The following PDZD2 variants were observed in gnomAD, a reference collection of about 807,000 sequenced individuals.
The protein encoded by PDZD2 is PDZ domain-containing protein 2.
In PDZD2, 90 loss-of-function variants were observed where a neutral mutation model predicts 220.7. The observed-to-expected ratio is 0.41, with a 90% CI of 0.34 to 0.49. The LOEUF is 0.49. Among genes scored for constraint, PDZD2 ranks in the 20% least tolerant of loss-of-function variants. PDZD2 has a pLI of 0.28. For synonymous variants in PDZD2, 1,375 were observed against 1,450.5 expected, an observed-to-expected ratio of 0.95 and a Z score of 1.18; for missense variants, 3,174 against 3,608.5, an observed-to-expected ratio of 0.88 and a Z score of 3.08.
At chr5:31,766,026 A>G (rs1037766025) in intron 1 of PDZD2, among the ~76,000 whole-genome samples, 2 of 146,706 alleles carry the variant, frequency 1.4e-5, no homozygotes, top group African/African-American at 5.1e-5. Flanking sequence ...AAAAAATTAC[A>G]AAAATTAGCT....
chr5:31,850,435 G>A (rs1757988764), intron 2 of PDZD2, among the ~76,000 whole-genome samples: 1 of 151,372 alleles, frequency 6.6e-6, no homozygotes, highest in Admixed American at 6.6e-5. Context: ...ACATATGATG[G>A]AATAACAGTG....
intron 2 of PDZD2, among the ~76,000 whole-genome samples, chr5:31,968,214 C>T (rs113397574): frequency 0.012 from 1,856 of 152,076 alleles, 14 homozygotes; most frequent in Non-Finnish European, 0.018. Context: ...GAAAATTAGC[C>T]AGGCGTGGTG....
chr5:31,739,798 C>T (rs74468443), intron 1 of PDZD2, among the ~76,000 whole-genome samples: 1 of 152,250 alleles, frequency 6.6e-6, no homozygotes, highest in African/African-American at 2.4e-5. Flanking sequence ...CAAATCAGAA[C>T]TGTAGGGTGG....
intron 13 of PDZD2, among the ~76,000 whole-genome samples, chr5:32,059,777 G>A (rs1739503136): frequency 6.6e-6 from 1 of 152,154 alleles, no homozygotes; most frequent in Admixed American, 6.6e-5. Context: ...CCTTGAATAG[G>A]AGGCATTTCT....
intron 1 of PDZD2, among the ~76,000 whole-genome samples, chr5:31,777,234 G>T (rs1165388074): frequency 1.3e-5 from 2 of 152,206 alleles, no homozygotes; most frequent in African/African-American, 4.8e-5. Flanking sequence ...GCAGTGAGGG[G>T]CTTAGCACCC....
At chr5:32,033,859 T>A (rs1755317951) in intron 6 of PDZD2, among the ~76,000 whole-genome samples, 1 of 152,146 alleles carries the variant, frequency 6.6e-6, no homozygotes, top group Non-Finnish European at 1.5e-5. Flanking sequence ...CCTCAAGAAA[T>A]CTGCCCACCT....
At chr5:31,905,130 G>A (rs1184773968) in intron 2 of PDZD2, among the ~76,000 whole-genome samples, 8 of 151,968 alleles carry the variant, frequency 5.3e-5, no homozygotes, top group Non-Finnish European at 1.0e-4. Flanking sequence ...CACCACGCCC[G>A]GCTAATTTTT....
intron 2 of PDZD2, among the ~76,000 whole-genome samples, chr5:31,913,063 C>T (rs1743345632): frequency 6.6e-6 from 1 of 152,086 alleles, no homozygotes; most frequent in African/African-American, 2.4e-5. Flanking sequence ...GAAGAAAATA[C>T]TGTTGATTAG....
intron 2 of PDZD2, among the ~76,000 whole-genome samples, chr5:31,904,918 G>A (rs1231071838): frequency 6.6e-6 from 1 of 152,042 alleles, no homozygotes; most frequent in African/African-American, 2.4e-5. Context: ...ATAAAATTAT[G>A]CAAGTGAGTC....
In PDZD2 at chr5:31,729,099, C is replaced by CTTTT. The variant is rs10650811; in HGVS notation, c.-360-69772_-360-69769dup. Among the ~76,000 whole-genome samples the CTTTT allele has an allele frequency of 2.7e-3, 332 of 123,544 alleles. 5 individuals are homozygous for CTTTT. Among genetic ancestry groups the CTTTT allele is most frequent in the East Asian group, 3.9e-3 (14 of 3,616 alleles). The allele number at this position is 123,544 out of a possible 152,430, so 81.0% of individuals were successfully genotyped here. ...AGCCTTACATGAAAGTGATCGAAATCTTTTTTTTTTTTTTTTTTTTTGAGA... is the reference window on the plus strand; with the variant it reads ...AGCCTTACATGAAAGTGATCGAAATCTTTTTTTTTTTTTTTTTTTTTTTTTGAGA... On this transcript the variant is annotated intron_variant, in intron 1 of 24. Coordinates refer to ENST00000438447, the MANE Select transcript of PDZD2 (RefSeq NM_178140.4).
rs1175728798 is a variant in PDZD2 at position 32,108,388 on chromosome 5, T to TGTTA, written c.*254_*257dup. On this transcript the variant is annotated 3_prime_UTR_variant, in exon 25 of 25. Transcript: ENST00000438447. ...TTCCAGTGCCTGTCCCCTACCTTTA[T>TGTTA]GTTATGTTTACTGATGGGGATACAA... The TGTTA allele has an allele frequency of 7.0e-6, 2 of 285,134 alleles. No homozygotes were observed. Among genetic ancestry groups the TGTTA allele is most frequent in the Non-Finnish European group, 1.3e-5 (2 of 154,368 alleles). The allele number at this position is 285,134 out of a possible 1,614,324, so 17.7% of individuals were successfully genotyped here.
Position 32,089,736 on chromosome 5 carries a change from T to C in PDZD2, c.6288T>C (p.Ser2096=). The part of the protein sequence containing the change: ...RTNQLKIVEI[S]AEAVSETVCG... ...ACCAGCTGAAAATCGTGGAGATTTC[T>C]GCTGAAGCAGTGTCAGAGACTGTAT... Residue 2096 remains serine (S), a synonymous_variant, in exon 20 of 25, where the codon TCT becomes TCC. Coordinates refer to ENST00000438447, the MANE Select transcript of PDZD2 (RefSeq NM_178140.4). 6.2e-7 allele frequency: 1 copy of C among 1,614,176 alleles called. No homozygotes were observed. Among genetic ancestry groups the C allele is most frequent in the South Asian group, 1.1e-5 (1 of 91,088 alleles).
At chr5:31,916,907 C>T (rs934033827) in intron 2 of PDZD2, among the ~76,000 whole-genome samples, 1 of 152,114 alleles carries the variant, frequency 6.6e-6, no homozygotes, top group African/African-American at 2.4e-5. Context: ...TGCTAACTGT[C>T]ATCATGACAG....
chr5:31,906,671 C>T (rs375475674), intron 2 of PDZD2, among the ~76,000 whole-genome samples: 5 of 152,002 alleles, frequency 3.3e-5, no homozygotes, highest in South Asian at 2.1e-4. Flanking sequence ...GGTGAAACCC[C>T]GTCTCTACTA....
intron 1 of PDZD2, among the ~76,000 whole-genome samples, chr5:31,671,931 G>T (rs866196347): frequency 3.3e-5 from 5 of 152,158 alleles, no homozygotes; most frequent in African/African-American, 1.2e-4. Flanking sequence ...CCTCTCCTCA[G>T]TTCTCTCCTG....
chr5:31,812,203 G>C (rs573473424), intron 2 of PDZD2, among the ~76,000 whole-genome samples: 1 of 152,126 alleles, frequency 6.6e-6, no homozygotes, highest in East Asian at 1.9e-4. Flanking sequence ...CCAGAAAATG[G>C]TTCATGCTCT....
At chr5:32,081,638 C>T (rs1741966002) in intron 19 of PDZD2, among the ~76,000 whole-genome samples, 1 of 152,214 alleles carries the variant, frequency 6.6e-6, no homozygotes, top group Non-Finnish European at 1.5e-5. Context: ...TACTTGAGTG[C>T]TCGTAGCAGT....
At chr5:31,855,616 A>C (rs1396902251) in intron 2 of PDZD2, among the ~76,000 whole-genome samples, 1 of 152,244 alleles carries the variant, frequency 6.6e-6, no homozygotes, top group African/African-American at 2.4e-5. Context: ...CCTCGCTAGC[A>C]GCAGAATGAC....
chr5:32,101,167 G>A lies in PDZD2; in HGVS notation c.8281G>A (p.Gly2761Arg). 1 of 1,614,082 alleles carries A rather than the reference G, an allele frequency of 6.2e-7. No homozygotes were observed. Among genetic ancestry groups the A allele is most frequent in the Non-Finnish European group, 8.5e-7 (1 of 1,179,960 alleles). The change falls in exon 24 of 25, where the codon GGA (glycine) becomes AGA (arginine). Residue 2761 changes from glycine to arginine, a missense_variant. This residue lies in a region of PDZD2 where 631 missense variants were observed against 789.9 expected (regional missense o/e 0.80). Transcript: ENST00000438447. ...AGTGCTGAAGACCTCGGCTGGGCTG[G>A]GACTGAGTCTGGATGGGGGAAAATC... ...VEVLKTSAGL[G>R]LSLDGGKSSV...
Sources: gnomAD v4.1 joint callset for allele counts (sites outside exome capture counted in the v4.1 genomes callset) on GRCh38, gnomAD v4.1.1 for gene constraint, gnomAD v4.1.1 regional missense constraint, MANE v1.5 for transcripts, NCBI Gene and HGNC (gene_info 2026-07-23, HGNC 2026-07-21) for gene names.